Variants in PSMD13 observed in about 807,000 individuals in gnomAD.
The protein encoded by PSMD13 is 26S proteasome non-ATPase regulatory subunit 13.
Under a neutral mutation model 57.4 loss-of-function variants are expected in PSMD13, and 8 were observed. The observed-to-expected ratio is 0.14, with a 90% CI of 0.08 to 0.25. The LOEUF (loss-of-function observed/expected upper bound fraction) is 0.25, where lower values mean the gene tolerates loss of function less well. PSMD13 is among the 10% of genes least tolerant of loss of function. The probability of loss-of-function intolerance (pLI) is 1.00; values close to 1 mark genes in which losing one functional copy is unlikely to be tolerated. For missense variants in PSMD13, 400 were observed against 461.5 expected, an observed-to-expected ratio of 0.87 and a Z score of 1.22; for synonymous variants, 193 against 168.2, an observed-to-expected ratio of 1.15 and a Z score of -1.14.
At chr11:243,700 C>T (rs1013757956) in intron 2 of PSMD13, among the ~76,000 whole-genome samples, 1 of 152,144 alleles carries the variant, frequency 6.6e-6, no homozygotes, top group African/African-American at 2.4e-5. Flanking sequence ...ACTGAGGGAG[C>T]GTTTCAATCT....
chr11:244,355 C>A, intron 4 of PSMD13, 71 bp from the exon 5 acceptor site: 1 of 1,579,204 alleles, frequency 6.3e-7, no homozygotes. Flanking sequence ...AAAGATTACC[C>A]TACCTAAGGG....
rs753339071 is a variant in PSMD13, at chr11:248,850, G to C, written c.643G>C (p.Glu215Gln). 1 of 1,614,172 alleles carries C rather than the reference G, an allele frequency of 6.2e-7. No individual in the cohort carries two copies. Among genetic ancestry groups the C allele is most frequent in the Admixed American group, 1.7e-5 (1 of 60,012 alleles). Reference sequence around the variant, plus strand: ...CGGCGAGGGAGTTTTTAACTTTGGAGAACTCGTAAGTTGACCCTGAGCTCA... The same window carrying C: ...CGGCGAGGGAGTTTTTAACTTTGGACAACTCGTAAGTTGACCCTGAGCTCA... ...LLGEGVFNFG[E>Q]LLMHPVLESL... is the part of the protein sequence containing the mutation. The change falls in exon 8 of 13, where the codon GAA becomes CAA. Residue 215 changes from glutamate (E) to glutamine (Q), a missense_variant. Transcript: ENST00000532097.
rs755698072 is a variant in PSMD13 at position 247,393 on chromosome 11, C to T, written c.513C>T (p.Ser171=). 5 of 1,614,154 alleles carry T rather than the reference C, an allele frequency of 3.1e-6. No homozygotes were observed. In the Admixed American group the frequency reaches 6.7e-5, roughly 22 times the overall value. The part of the protein sequence containing the change: ...KYYQTIGNHA[S]YYKDALRFLG... ...ATCAAACAATCGGAAACCACGCGTC[C>T]TACTACAAAGATGCTCTGCGGTTTT... Residue 171 remains serine, a synonymous_variant, in exon 7 of 13, where the codon TCC becomes TCT. Coordinates refer to ENST00000532097, the MANE Select transcript of PSMD13 (RefSeq NM_002817.4).
In PSMD13 at chr11:251,635, C is replaced by G; in HGVS notation, c.918+9C>G. The G allele has an allele frequency of 6.2e-7, 1 of 1,609,806 alleles. No homozygotes were observed. On this transcript the variant is annotated intron_variant, in intron 11 of 12. Transcript: ENST00000532097. This position sits in a 1 kb window ranked among gnomAD's most constrained non-coding sequence, Gnocchi z 4.6. Reference sequence around the variant, plus strand: ...AAATCACAGTGAATGAGGTACGGTCCCTAGGCTCAGGGTGTTAGAGCAGCA... The same window carrying G: ...AAATCACAGTGAATGAGGTACGGTCGCTAGGCTCAGGGTGTTAGAGCAGCA...
chr11:250,983 G>C (rs1013576654), intron 10 of PSMD13, 118 bp downstream of exon 10: 1 of 881,870 alleles, frequency 1.1e-6, no homozygotes, highest in African/African-American at 1.6e-5. Flanking sequence ...TGCTTCTGCT[G>C]TGCGCCGCTC....
In PSMD13 at chr11:247,328, T is replaced by C; in HGVS notation, c.448T>C (p.Ser150Pro). The change falls in exon 7 of 13, where the codon TCG (serine) becomes CCG (proline). Residue 150 changes from serine to proline, a missense_variant. Physicochemically the swap from Ser to Pro is moderately conservative, Grantham distance 74. Transcript: ENST00000532097. ...GCTCAACAACCTTCCTGGTGTGACA[T>C]CGGTTCACAGTCGTTTCTATGATCT... The part of the protein sequence containing the change: ...EMLNNLPGVT[S>P]VHSRFYDLSS... 1.2e-6 allele frequency: 2 copies of C among 1,614,098 alleles called. No individual in the cohort carries two copies. The highest frequency in any genetic ancestry group is 1.7e-6 in the Non-Finnish European group (2 of 1,179,996).
Position 244,151 on chromosome 11 carries a change from T to C in PSMD13, c.210-10T>C. The C allele has an allele frequency of 6.2e-7, 1 of 1,609,048 alleles. No individual in the cohort carries two copies. The stretch of plus-strand genomic sequence containing the variant: ...CGGCGGTGCTCAAAGGCTGGTGGCT[T>C]TTATTTCAGGGTGAACCCTTTGTCC... On this transcript the variant is annotated splice_polypyrimidine_tract_variant and intron_variant, in intron 3 of 12. Transcript: ENST00000532097.
intron 2 of PSMD13, among the ~76,000 whole-genome samples, chr11:239,771 G>A (rs1192852137): frequency 6.6e-6 from 1 of 151,986 alleles, no homozygotes; most frequent in African/African-American, 2.4e-5. Flanking sequence ...TTGCTCACTG[G>A]TAGCCTCCTC....
chr11:237,175 C>T (rs987739313), intron 1 of PSMD13, 31 bp downstream of exon 1: 1 of 1,585,890 alleles, frequency 6.3e-7, no homozygotes, highest in East Asian at 2.3e-5. Context: ...CCCTGGGCCC[C>T]GGCGATAGAG....
chr11:238,294 G>C (rs905972214), intron 1 of PSMD13, among the ~76,000 whole-genome samples: 3 of 152,212 alleles, frequency 2.0e-5, no homozygotes, highest in African/African-American at 7.2e-5. Context: ...CTCGTTTCCA[G>C]TGAAACCTCA....
intron 2 of PSMD13, among the ~76,000 whole-genome samples, chr11:241,170 C>G (rs1381550167): frequency 1.4e-5 from 2 of 143,364 alleles, no homozygotes; most frequent in Non-Finnish European, 3.0e-5. Context: ...GACAGAGTCT[C>G]GCACTGTCGC....
chr11:248,585 C>T, intron 7 of PSMD13, 191 bp from the exon 8 acceptor site: 1 of 594,106 alleles, frequency 1.7e-6, no homozygotes, highest in Non-Finnish European at 3.0e-6. Flanking sequence ...TCCCAAAAAA[C>T]CCATGTATAT....
chr11:247,554 G>A (rs1370670102), intron 7 of PSMD13, 106 bp downstream of exon 7: 5 of 1,301,064 alleles, frequency 3.8e-6, no homozygotes, highest in South Asian at 1.5e-5. Context: ...AGGTGGGGCT[G>A]GGCACGGTGG....
Position 251,307 on chromosome 11 carries a change from G to A in PSMD13, c.838-239G>A, listed in dbSNP as rs571290402. 3.3e-5 allele frequency: 17 copies of A among 522,572 alleles called. No homozygotes were observed. Among genetic ancestry groups the A allele is most frequent in the Middle Eastern group, 5.1e-4 (1 of 1,958 alleles). The allele number at this position is 522,572 out of a possible 1,614,324, so 32.4% of individuals were successfully genotyped here. A position where few individuals can be genotyped will look rare whatever the true frequency, so the allele number is the denominator to read the frequency against. ...AAATTGTGGCCTCAAGTACTTGTTC[G>A]GGGATTGAACAATGGCTACTGTCAG... On this transcript the variant is annotated intron_variant, in intron 10 of 12. Coordinates refer to ENST00000532097, the MANE Select transcript of PSMD13 (RefSeq NM_002817.4). The surrounding 1 kb of genome is among the most constrained non-coding windows in gnomAD (Gnocchi z 4.6).
chr11:251,857 T>C lies in PSMD13; in HGVS notation c.956T>C (p.Leu319Pro), dbSNP rs1338269616. 2 of 1,614,156 alleles carry C rather than the reference T, an allele frequency of 1.2e-6. No homozygotes were observed. Among genetic ancestry groups the C allele is most frequent in the Non-Finnish European group, 1.7e-6 (2 of 1,180,008 alleles). The change falls in exon 12 of 13, where the codon CTG (leucine) becomes CCG (proline). Residue 319 changes from leucine (L) to proline (P), a missense_variant. Coordinates refer to ENST00000532097, the MANE Select transcript of PSMD13 (RefSeq NM_002817.4). The surrounding 1 kb of genome is among the most constrained non-coding windows in gnomAD (Gnocchi z 4.6). The stretch of plus-strand genomic sequence containing the variant: ...GTGATGAAGGCCCTTTCGGTGGGGC[T>C]GGTGAAAGGCAGTATAGACGAGGTG... ...LLVMKALSVG[L>P]VKGSIDEVDK...
intron 2 of PSMD13, 44 bp downstream of exon 2, chr11:239,120 A>G: frequency 6.6e-7 from 1 of 1,520,930 alleles, no homozygotes; most frequent in East Asian, 2.3e-5. Flanking sequence ...GAATGTGCTC[A>G]AGGACTTTTG....
chr11:245,816 T>TA (rs1859636575), intron 6 of PSMD13, among the ~76,000 whole-genome samples: 1 of 152,136 alleles, frequency 6.6e-6, no homozygotes, highest in African/African-American at 2.4e-5. Flanking sequence ...CCTGAAAAGA[T>TA]ACTTTTTATT....
At chr11:248,594 ATAT>A in intron 7 of PSMD13, 179 bp from the exon 8 acceptor site, 1 of 619,662 alleles carries the variant, frequency 1.6e-6, no homozygotes, top group Non-Finnish European at 2.8e-6. Context: ...ACCCATGTAT[ATAT>A]GGTTCTTGGT....
Position 248,804 on chromosome 11 carries a change from G to C in PSMD13, c.597G>C (p.Thr199=). 6.2e-7 allele frequency: 1 copy of C among 1,614,172 alleles called. No individual in the cohort carries two copies. Among genetic ancestry groups the C allele is most frequent in the Non-Finnish European group, 8.5e-7 (1 of 1,180,024 alleles). Residue 199 remains threonine, a synonymous_variant, in exon 8 of 13, where the codon ACG becomes ACC. Coordinates refer to ENST00000532097, the MANE Select transcript of PSMD13 (RefSeq NM_002817.4). ...PVSEQQERAF[T]LGLAGLLGEG... ...CTGAGCAGCAGGAGAGAGCCTTCACGCTGGGGCTAGCAGGACTTCTCGGCG... is the reference window on the plus strand; with the variant it reads ...CTGAGCAGCAGGAGAGAGCCTTCACCCTGGGGCTAGCAGGACTTCTCGGCG...
Sources: allele counts gnomAD v4.1 joint callset (sites outside exome capture counted in the v4.1 genomes callset), GRCh38; gene constraint gnomAD v4.1.1; non-coding constraint Gnocchi (gnomAD v3.1); transcripts MANE v1.5; gene names NCBI Gene and HGNC (gene_info 2026-07-23, HGNC 2026-07-21).